AMMECR1L: variants seen among roughly 807,000 people sequenced by gnomAD.
The protein encoded by AMMECR1L is AMMECR1 like.
A neutral mutation model predicts 36.8 loss-of-function variants in AMMECR1L; 4 were observed. The ratio of observed to expected loss-of-function variants is 0.11; its 90% confidence interval spans 0.05 to 0.25. The LOEUF (loss-of-function observed/expected upper bound fraction) is 0.25, where lower values mean the gene tolerates loss of function less well. Ranked by LOEUF, AMMECR1L falls within the 10% of genes least tolerant of loss-of-function variation. AMMECR1L has a pLI of 1.00. For missense variants in AMMECR1L, 232 were observed against 392.1 expected, an observed-to-expected ratio of 0.59 and a Z score of 3.45; for synonymous variants, 147 against 148.0, an observed-to-expected ratio of 0.99 and a Z score of 0.05.
In AMMECR1L at chr2:127,870,860, G is replaced by C; in HGVS notation, c.587C>G (p.Ser196Cys). The C allele has an allele frequency of 6.2e-7, 1 of 1,613,658 alleles. No homozygotes were observed. Among genetic ancestry groups the C allele is most frequent in the African/African-American group, 1.3e-5 (1 of 75,026 alleles). The change falls in exon 5 of 8, where the codon TCC (serine) becomes TGC (cysteine). Residue 196 changes from serine to cysteine, a missense_variant. Transcript: ENST00000272647. Reference protein sequence around the residue: ...EELPKLFCSVSLLTNFEDASD... With the variant: ...EELPKLFCSVCLLTNFEDASD... ...GGCATCCTCAAAGTTAGTAAGGAGG[G>C]AGACAGAGCAGAAAAGTTTAGGCAG...
In AMMECR1L at chr2:127,869,579, T is replaced by C. The variant is rs749578245; in HGVS notation, c.634-35A>G. On this transcript the variant is annotated intron_variant, in intron 5 of 7. Coordinates refer to ENST00000272647, the MANE Select transcript of AMMECR1L (RefSeq NM_001199140.2). This position sits in a 1 kb window ranked among gnomAD's most constrained non-coding sequence, Gnocchi z 4.7. ...AAAGTACAACCAAGTAAATGGCATT[T>C]ACTTACTCTAATGGAACTTCAGTCC... is the stretch of plus-strand genomic sequence containing the variant. 2 of 1,535,820 alleles carry C rather than the reference T, an allele frequency of 1.3e-6. No individual in the cohort carries two copies. Among genetic ancestry groups the C allele is most frequent in the Non-Finnish European group, 1.8e-6 (2 of 1,108,884 alleles).
At position 127,873,342 on chromosome 2, in the gene AMMECR1L, AG is replaced by A; in HGVS notation, c.407+485del. ...GATTCTGACTTCTTGATGGGATGTG[AG>A]TGGCCCTACAGGTTTACCAAGGGAT... On this transcript the variant is annotated intron_variant, in intron 3 of 7. Coordinates refer to ENST00000272647, the MANE Select transcript of AMMECR1L (RefSeq NM_001199140.2). The surrounding 1 kb of genome is among the most constrained non-coding windows in gnomAD (Gnocchi z 5.2). The A allele has an allele frequency of 1.0e-6, 1 of 985,454 alleles. No homozygotes were observed. The highest frequency in any genetic ancestry group is 1.2e-6 in the Non-Finnish European group (1 of 829,944). The allele number at this position is 985,454 out of a possible 1,614,324, so 61.0% of individuals were successfully genotyped here. A position where few individuals can be genotyped will look rare whatever the true frequency, so the allele number is the denominator to read the frequency against.
rs1240654910 is a variant in AMMECR1L at position 127,873,357 on chromosome 2, T to C, written c.407+471A>G. ...ATGGGATGTGAGTGGCCCTACAGGT[T>C]TACCAAGGGATTTCTCATGAACAAA... On this transcript the variant is annotated intron_variant, in intron 3 of 7. Coordinates refer to ENST00000272647, the MANE Select transcript of AMMECR1L (RefSeq NM_001199140.2). This position sits in a 1 kb window ranked among gnomAD's most constrained non-coding sequence, Gnocchi z 5.2. 5.1e-6 allele frequency: 5 copies of C among 985,300 alleles called. No homozygotes were observed. The highest frequency in any genetic ancestry group is 4.8e-6 in the Non-Finnish European group (4 of 829,940). The allele number at this position is 985,300 out of a possible 1,614,324, so 61.0% of individuals were successfully genotyped here. A position where few individuals can be genotyped will look rare whatever the true frequency, so the allele number is the denominator to read the frequency against.
rs527453988 is a variant in AMMECR1L at position 127,864,900 on chromosome 2, C to T, written c.*194G>A. 3.9e-5 allele frequency: 18 copies of T among 462,576 alleles called. No individual in the cohort carries two copies. Among genetic ancestry groups the T allele is most frequent in the Middle Eastern group, 5.8e-4 (1 of 1,716 alleles). 28.7% of individuals were successfully genotyped at this position (462,576 alleles called of 1,614,324 possible). On this transcript the variant is annotated 3_prime_UTR_variant, in exon 8 of 8. Transcript: ENST00000272647. ...GGAAAGGCTGAGATAAGGCTTGGGC[C>T]CCTCAAGTTCTGTTTCGTTCAAGGT...
intron 2 of AMMECR1L, among the ~76,000 whole-genome samples, chr2:127,877,244 C>A (rs777036491): frequency 1.3e-5 from 2 of 151,860 alleles, no homozygotes; most frequent in African/African-American, 2.4e-5. Flanking sequence ...AAGGGCTTCA[C>A]TGAATCCTCT....
intron 2 of AMMECR1L, among the ~76,000 whole-genome samples, chr2:127,875,089 T>C (rs1329904712): frequency 6.6e-6 from 1 of 152,150 alleles, no homozygotes; most frequent in African/African-American, 2.4e-5. Flanking sequence ...CTTAACAAAA[T>C]GTGGTGTCAC....
chr2:127,867,000 G>A lies in AMMECR1L; in HGVS notation c.725-4C>T. On this transcript the variant is annotated splice_polypyrimidine_tract_variant and splice_region_variant and intron_variant, in intron 6 of 7. Transcript: ENST00000272647. ...ATTGTCTGGATCTGATCCCAGTCTG[G>A]GGAGGAGAAAGGCCACACTGAGGTC... 1 of 1,614,140 alleles carries A rather than the reference G, an allele frequency of 6.2e-7. No individual in the cohort carries two copies. The highest frequency in any genetic ancestry group is 1.1e-5 in the South Asian group (1 of 91,076).
chr2:127,871,926 TG>T lies in AMMECR1L; in HGVS notation c.408-568del, dbSNP rs539755575. 8.9e-4 allele frequency among the ~76,000 whole-genome samples: 135 copies of T among 152,280 alleles called. No individual in the cohort carries two copies. In the South Asian group the frequency reaches 0.014, roughly 16 times the overall value. On this transcript the variant is annotated intron_variant, in intron 3 of 7. Coordinates refer to ENST00000272647, the MANE Select transcript of AMMECR1L (RefSeq NM_001199140.2). This position sits in a 1 kb window ranked among gnomAD's most constrained non-coding sequence, Gnocchi z 4.3. ...TAAAAAGGCCGGGTGCAGTGGCTCA[TG>T]CCTGTAATCCCAGCACTTTGGGAGG... is the stretch of plus-strand genomic sequence containing the variant.
intron 6 of AMMECR1L, chr2:127,867,397 T>C (rs1690739365): frequency 1.3e-6 from 1 of 783,674 alleles, no homozygotes; most frequent in Non-Finnish European, 1.5e-6. Flanking sequence ...TTGTGTGATC[T>C]TCCTTCAATC....
Position 127,871,467 on chromosome 2 carries a change from T to C in AMMECR1L, c.408-108A>G. On this transcript the variant is annotated intron_variant, in intron 3 of 7. Coordinates refer to ENST00000272647, the MANE Select transcript of AMMECR1L (RefSeq NM_001199140.2). This position sits in a 1 kb window ranked among gnomAD's most constrained non-coding sequence, Gnocchi z 4.3. ...CATTTCTGTTATTGCCAAAAATCCC[T>C]GTTTTTGGACTTGCCAGCTACCCGA... is the stretch of plus-strand genomic sequence containing the variant. 3 of 1,158,104 alleles carry C rather than the reference T, an allele frequency of 2.6e-6. No individual in the cohort carries two copies. Among genetic ancestry groups the C allele is most frequent in the Non-Finnish European group, 3.7e-6 (3 of 814,500 alleles). The allele number at this position is 1,158,104 out of a possible 1,614,324, so 71.7% of individuals were successfully genotyped here. A position where few individuals can be genotyped will look rare whatever the true frequency, so the allele number is the denominator to read the frequency against.
At chr2:127,880,614 C>T (rs1274963979) in intron 2 of AMMECR1L, among the ~76,000 whole-genome samples, 1 of 152,078 alleles carries the variant, frequency 6.6e-6, no homozygotes, top group Non-Finnish European at 1.5e-5. Flanking sequence ...ACTCTTCCTC[C>T]CTCTCTGTGG....
intron 2 of AMMECR1L, 62 bp downstream of exon 2, chr2:127,884,141 C>T (rs918628621): frequency 1.3e-5 from 2 of 152,334 alleles, no homozygotes; most frequent in African/African-American, 4.8e-5. Context: ...AATCCTAGCA[C>T]ATGCCTAAAA....
chr2:127,867,962 T>A (rs1474164550), intron 6 of AMMECR1L, among the ~76,000 whole-genome samples: 2 of 152,146 alleles, frequency 1.3e-5, no homozygotes, highest in Admixed American at 1.3e-4. Flanking sequence ...AACCTCCACC[T>A]CCCAGGCTCA....
At chr2:127,885,162 G>A (rs1166197105) in intron 1 of AMMECR1L, 10 of 985,148 alleles carry the variant, frequency 1.0e-5, no homozygotes, top group Non-Finnish European at 1.2e-5. Context: ...GGTTAAGGAA[G>A]GAGGGCCCAA....
At chr2:127,870,003 T>C (rs1690885686) in intron 5 of AMMECR1L, among the ~76,000 whole-genome samples, 1 of 152,120 alleles carries the variant, frequency 6.6e-6, no homozygotes, top group Non-Finnish European at 1.5e-5. Context: ...GCCAACATGG[T>C]GAAACCCTGT....
chr2:127,870,904 G>A lies in AMMECR1L; in HGVS notation c.543C>T (p.Pro181=), dbSNP rs267598864. The A allele has an allele frequency of 1.2e-6, 2 of 1,613,538 alleles. No individual in the cohort carries two copies. The highest frequency in any genetic ancestry group is 1.7e-6 in the Non-Finnish European group (2 of 1,179,814). ...LTSALKDSRF[P]PLTREELPKL... is the part of the protein sequence containing the mutation. ...TAGGCAGCTCCTCTCGGGTCAGGGG[G>A]GGAAATCGGCTGTCCTTAAGTGCAC... Residue 181 remains proline, a synonymous_variant, in exon 5 of 8, where the codon CCC becomes CCT. Transcript: ENST00000272647.
intron 6 of AMMECR1L, among the ~76,000 whole-genome samples, chr2:127,868,138 A>C (rs1690781962): frequency 6.6e-6 from 1 of 152,296 alleles, no homozygotes; most frequent in South Asian, 2.1e-4. Flanking sequence ...AAGTGCTGGG[A>C]TCACAGATGT....
intron 6 of AMMECR1L, chr2:127,867,262 T>C: frequency 1.0e-5 from 10 of 985,466 alleles, no homozygotes; most frequent in Non-Finnish European, 1.2e-5. Context: ...CTGTCAGATG[T>C]TACCCCAGTA....
chr2:127,868,837 G>A (rs1266914294), intron 6 of AMMECR1L, among the ~76,000 whole-genome samples: 1 of 151,724 alleles, frequency 6.6e-6, no homozygotes, highest in African/African-American at 2.4e-5. Flanking sequence ...TGATTCTCCT[G>A]CCTCAGCCTC....
Sources: allele counts gnomAD v4.1 joint callset (sites outside exome capture counted in the v4.1 genomes callset), GRCh38; gene constraint gnomAD v4.1.1; non-coding constraint Gnocchi (gnomAD v3.1); transcripts MANE v1.5; gene names NCBI Gene and HGNC (gene_info 2026-07-23, HGNC 2026-07-21).